Variants in IQSEC1 observed in about 807,000 individuals in gnomAD.
The protein encoded by IQSEC1 is IQ motif and SEC7 domain-containing protein 1.
In IQSEC1, 31 loss-of-function variants were observed where a neutral mutation model predicts 91.0. The ratio of observed to expected loss-of-function variants is 0.34; its 90% CI spans 0.26 to 0.46. The LOEUF is 0.46. Ranked by LOEUF, IQSEC1 falls within the 20% of genes least tolerant of loss-of-function variation. The pLI is 1.00. For missense variants in IQSEC1, 1,388 were observed against 1,575.6 expected (o/e 0.88, Z 2.02); for synonymous variants, 699 against 662.6 (o/e 1.05, Z -0.84).
chr3:13,273,336 A>G (rs1289509569), intron 1 of IQSEC1, among the ~76,000 whole-genome samples: 1 of 152,122 alleles, frequency 6.6e-6, no homozygotes, highest in African/African-American at 2.4e-5. Flanking sequence ...TCCTCCCTCA[A>G]GGTGAAAGAG....
At position 12,941,832 on chromosome 3, in the gene IQSEC1, G is replaced by A; in HGVS notation, c.57C>T (p.Gly19=). The part of the protein sequence containing the change: ...VEGEAPSSET[G]TSLDSPSAYP... ...AGGCTGAGGGGCTGTCCAGGGATGTGCCAGTCTCACTGCTGGGGGCCTCGC... is the reference window on the plus strand; with the variant it reads ...AGGCTGAGGGGCTGTCCAGGGATGTACCAGTCTCACTGCTGGGGGCCTCGC... Residue 19 remains glycine (G), a synonymous_variant, in exon 2 of 14, where the codon GGC becomes GGT. Transcript: ENST00000613206. 1 of 1,607,494 alleles carries A rather than the reference G, an allele frequency of 6.2e-7. No homozygotes were observed. The highest frequency in any genetic ancestry group is 8.5e-7 in the Non-Finnish European group (1 of 1,177,982).
chr3:12,929,560 T>C (rs1162655592), intron 3 of IQSEC1, among the ~76,000 whole-genome samples: 1 of 152,204 alleles, frequency 6.6e-6, no homozygotes, highest in East Asian at 1.9e-4. Flanking sequence ...CCAGGACTTA[T>C]AATCCACGCT....
chr3:13,080,597 G>A (rs1705632954), intron 2 of IQSEC1, among the ~76,000 whole-genome samples: 1 of 152,030 alleles, frequency 6.6e-6, no homozygotes, highest in South Asian at 2.1e-4. Flanking sequence ...AGAGCCCTGG[G>A]GACATGGACA....
intron 2 of IQSEC1, among the ~76,000 whole-genome samples, chr3:13,135,373 T>A (rs1706690046): frequency 6.6e-6 from 1 of 152,204 alleles, no homozygotes; most frequent in African/African-American, 2.4e-5. Context: ...GGGGCTGGAC[T>A]AGGCAAGATG....
intron 1 of IQSEC1, among the ~76,000 whole-genome samples, chr3:13,186,883 G>A (rs891464880): frequency 6.6e-6 from 1 of 152,158 alleles, no homozygotes; most frequent in Non-Finnish European, 1.5e-5. Context: ...CAGCCCAGGA[G>A]TAGAATCTAA....
intron 2 of IQSEC1, among the ~76,000 whole-genome samples, chr3:13,100,280 C>T (rs1285320687): frequency 6.7e-6 from 1 of 148,320 alleles, no homozygotes; most frequent in Admixed American, 6.7e-5. Context: ...CTGGCTCCTT[C>T]CTCTCTTGTT....
rs550087426 is a variant in IQSEC1 at position 12,903,879 on chromosome 3, C to T, written c.2756-1057G>A. Among the ~76,000 whole-genome samples, 3 of 152,320 alleles carry T rather than the reference C, an allele frequency of 2.0e-5. No individual in the cohort carries two copies. The South Asian group carries it at 6.2e-4, about 32-fold the overall frequency. On this transcript the variant is annotated intron_variant, in intron 12 of 13. Coordinates refer to ENST00000613206, the MANE Select transcript of IQSEC1 (RefSeq NM_001134382.3). The stretch of plus-strand genomic sequence containing the variant: ...TCAACCCTATAGGCGCCACTGTGTC[C>T]ATATCAGAGAGAGGAACACTGAGGC...
intron 2 of IQSEC1, among the ~76,000 whole-genome samples, chr3:13,162,180 G>A (rs1257785588): frequency 3.3e-5 from 5 of 152,224 alleles, no homozygotes; most frequent in East Asian, 1.9e-4. Flanking sequence ...GGGCGACCCC[G>A]TAAGGGACCC....
At chr3:13,090,663 C>T (rs913533169) in intron 2 of IQSEC1, among the ~76,000 whole-genome samples, 14 of 152,194 alleles carry the variant, frequency 9.2e-5, no homozygotes, top group Admixed American at 3.9e-4. Flanking sequence ...CACCACATCC[C>T]GAGAGCCCCT....
intron 1 of IQSEC1, among the ~76,000 whole-genome samples, chr3:13,051,516 G>A (rs1361811614): frequency 1.3e-5 from 2 of 152,196 alleles, no homozygotes; most frequent in Non-Finnish European, 2.9e-5. Flanking sequence ...TCTGAGGTCA[G>A]GTGCTGGTTA....
intron 2 of IQSEC1, among the ~76,000 whole-genome samples, chr3:13,126,454 G>C (rs1381679462): frequency 6.6e-6 from 1 of 152,144 alleles, no homozygotes; most frequent in Non-Finnish European, 1.5e-5. Context: ...TTCACCTGTT[G>C]GCTATCTTGA....
chr3:13,092,326 G>A (rs1298341826), intron 2 of IQSEC1, among the ~76,000 whole-genome samples: 2 of 152,150 alleles, frequency 1.3e-5, no homozygotes, highest in Non-Finnish European at 2.9e-5. Context: ...ATGCTCAGAA[G>A]TTCCAGCAGA....
At chr3:12,993,332 T>G (rs1268266241) in intron 1 of IQSEC1, among the ~76,000 whole-genome samples, 3 of 152,138 alleles carry the variant, frequency 2.0e-5, no homozygotes, top group Admixed American at 6.5e-5. Flanking sequence ...CTGCCAAAGC[T>G]TCTCCCTCCC....
chr3:12,997,627 C>T (rs552064520), intron 1 of IQSEC1, among the ~76,000 whole-genome samples: 96 of 152,136 alleles, frequency 6.3e-4, no homozygotes, highest in Non-Finnish European at 1.3e-3. Flanking sequence ...TATGGTATGG[C>T]CTAGTCCTCC....
chr3:13,148,563 T>A (rs373017072), intron 2 of IQSEC1, among the ~76,000 whole-genome samples: 1 of 152,242 alleles, frequency 6.6e-6, no homozygotes, highest in African/African-American at 2.4e-5. Context: ...TTTTGTTTTG[T>A]TTTTGGTATG....
In IQSEC1 at chr3:12,952,673, CCCTGGCCT is replaced by C. The variant is rs1576025825; in HGVS notation, c.24-10816_24-10809del. On this transcript the variant is annotated intron_variant, in intron 1 of 13. Transcript: ENST00000613206. ...ACCCCCTGGCCACTCCAGCCCAGCC[CCCTGGCCT>C]CCTGGCTGTTCCTCTCCGCTCTGGC... is the stretch of plus-strand genomic sequence containing the variant. 3.9e-5 allele frequency among the ~76,000 whole-genome samples: 6 copies of C among 152,340 alleles called. No homozygotes were observed. In the East Asian group the frequency reaches 1.2e-3, roughly 29 times the overall value.
intron 1 of IQSEC1, among the ~76,000 whole-genome samples, chr3:13,252,707 T>G (rs1457937484): frequency 6.7e-6 from 1 of 148,602 alleles, no homozygotes; most frequent in Non-Finnish European, 1.5e-5. Flanking sequence ...AACAGACTTC[T>G]TATTATCTAT....
At chr3:13,257,612 G>T (rs1309488926) in intron 1 of IQSEC1, among the ~76,000 whole-genome samples, 1 of 152,180 alleles carries the variant, frequency 6.6e-6, no homozygotes, top group Non-Finnish European at 1.5e-5. Context: ...ACTCAGTTTG[G>T]GTAGGGCTCC....
intron 1 of IQSEC1, among the ~76,000 whole-genome samples, chr3:13,007,159 G>A (rs1702671749): frequency 6.6e-6 from 1 of 152,258 alleles, no homozygotes; most frequent in Non-Finnish European, 1.5e-5. Flanking sequence ...GGCTGCATGA[G>A]ACTGTGGGGA....
Sources: gnomAD v4.1 joint callset for allele counts (sites outside exome capture counted in the v4.1 genomes callset) on GRCh38, gnomAD v4.1.1 for gene constraint, MANE v1.5 for transcripts, NCBI Gene and HGNC (gene_info 2026-07-23, HGNC 2026-07-21) for gene names.